The following GRID2 variants were observed in gnomAD, a reference collection of about 807,000 sequenced individuals.
The protein encoded by GRID2 is glutamate ionotropic receptor delta type subunit 2.
GRID2 carries 33 observed loss-of-function variants against 114.8 expected under a neutral mutation model. The ratio of observed to expected loss-of-function variants is 0.29; its 90% CI spans 0.22 to 0.38. GRID2 has a LOEUF of 0.38. GRID2 is among the 10% of genes least tolerant of loss of function. The pLI is 1.00. For synonymous variants in GRID2, 505 were observed against 449.9 expected (o/e 1.12, Z -1.55); for missense variants, 1,184 against 1,257.7 (o/e 0.94, Z 0.89).
At chr4:92,305,563 G>A (rs1000252306) in intron 1 of GRID2, among the ~76,000 whole-genome samples, 1 of 152,158 alleles carries the variant, frequency 6.6e-6, no homozygotes, top group Admixed American at 6.5e-5. Context: ...CCGAGTAGCC[G>A]CGCAAGGCAG....
rs546941745 is a variant in GRID2 at position 93,688,078 on chromosome 4, A to G, written c.2360+61643A>G. Among the ~76,000 whole-genome samples the G allele has an allele frequency of 2.0e-5, 3 of 152,120 alleles. No homozygotes were observed. In the East Asian group the frequency reaches 5.8e-4, roughly 29 times the overall value. ...ATGGCAGGAAGATAAAGTAGTTCACATCTGATAGTTTCTGTTTATCAGTGG... is the reference window on the plus strand; with the variant it reads ...ATGGCAGGAAGATAAAGTAGTTCACGTCTGATAGTTTCTGTTTATCAGTGG... On this transcript the variant is annotated intron_variant, in intron 14 of 15. Coordinates refer to ENST00000282020, the MANE Select transcript of GRID2 (RefSeq NM_001510.4).
chr4:93,133,303 G>T (rs776050279), intron 4 of GRID2, among the ~76,000 whole-genome samples: 9 of 152,084 alleles, frequency 5.9e-5, no homozygotes, highest in Admixed American at 3.3e-4. Context: ...TGATACATAG[G>T]TTTGGTTTTT....
chr4:92,430,017 T>C (rs906381210), intron 1 of GRID2, among the ~76,000 whole-genome samples: 1 of 152,204 alleles, frequency 6.6e-6, no homozygotes, highest in Non-Finnish European at 1.5e-5. Context: ...TCTTGTCAGA[T>C]TGATAGTTTG....
At chr4:92,710,473 C>T (rs918472553) in intron 2 of GRID2, among the ~76,000 whole-genome samples, 2 of 152,136 alleles carry the variant, frequency 1.3e-5, no homozygotes, top group African/African-American at 4.8e-5. Flanking sequence ...AATTTTTCTT[C>T]TATCAGATAA....
Position 93,549,050 on chromosome 4 carries a change from CTCTT to C in GRID2, c.2193+33641_2193+33644del, listed in dbSNP as rs568412099. Among the ~76,000 whole-genome samples the C allele has an allele frequency of 8.0e-4, 121 of 152,184 alleles. 1 individual carries two copies. The highest frequency in any genetic ancestry group is 2.2e-3 in the African/African-American group (92 of 41,532). On this transcript the variant is annotated intron_variant, in intron 13 of 15. Transcript: ENST00000282020. ...AAATTCATTTGAACTTTTAAAATAT[CTCTT>C]TATCAAATCAAAGATCAACTAAAAA...
chr4:93,694,472 G>C (rs17021013), intron 14 of GRID2, among the ~76,000 whole-genome samples: 2 of 152,094 alleles, frequency 1.3e-5, no homozygotes, highest in African/African-American at 4.8e-5. Context: ...TGGGTCTTGC[G>C]ATCCATGTAT....
At chr4:93,221,779 G>C (rs1744903631) in intron 6 of GRID2, among the ~76,000 whole-genome samples, 2 of 152,236 alleles carry the variant, frequency 1.3e-5, no homozygotes, top group South Asian at 2.1e-4. Flanking sequence ...GTAATGAAAA[G>C]CTCAGGGAAT....
At chr4:92,460,089 ACT>A (rs2149087049) in intron 1 of GRID2, among the ~76,000 whole-genome samples, 1 of 104,386 alleles carries the variant, frequency 9.6e-6, no homozygotes, top group African/African-American at 3.8e-5. Flanking sequence ...TCTCTGGAGA[ACT>A]CTGACTAATA....
chr4:93,578,454 C>A (rs1215585095), intron 13 of GRID2, among the ~76,000 whole-genome samples: 9 of 151,822 alleles, frequency 5.9e-5, no homozygotes, highest in Admixed American at 5.9e-4. Flanking sequence ...TACAAATTTA[C>A]AAATTCAAAA....
intron 1 of GRID2, among the ~76,000 whole-genome samples, chr4:92,324,109 A>G (rs1251099983): frequency 6.6e-6 from 1 of 152,020 alleles, no homozygotes; most frequent in Non-Finnish European, 1.5e-5. Context: ...AATATAATGT[A>G]AGAGGTAACT....
At chr4:92,800,111 A>G (rs1469251914) in intron 2 of GRID2, among the ~76,000 whole-genome samples, 1 of 151,820 alleles carries the variant, frequency 6.6e-6, no homozygotes, top group Admixed American at 6.6e-5. Context: ...TAATCTCATT[A>G]CCCCTTTTTA....
chr4:92,894,211 T>C (rs577758870), intron 2 of GRID2, among the ~76,000 whole-genome samples: 1 of 152,280 alleles, frequency 6.6e-6, no homozygotes, highest in African/African-American at 2.4e-5. Context: ...ACCCAAATAG[T>C]GTTCATATAA....
At chr4:92,310,635 A>T (rs1023020882) in intron 1 of GRID2, among the ~76,000 whole-genome samples, 2 of 152,024 alleles carry the variant, frequency 1.3e-5, no homozygotes, top group Non-Finnish European at 2.9e-5. Context: ...TAGAATTTAG[A>T]AGGTATTGGA....
chr4:93,766,232 A>G (rs1397404040), intron 14 of GRID2, among the ~76,000 whole-genome samples: 1 of 152,180 alleles, frequency 6.6e-6, no homozygotes, highest in Non-Finnish European at 1.5e-5. Flanking sequence ...ATGAAGAAAT[A>G]CCCAAGACTG....
intron 1 of GRID2, among the ~76,000 whole-genome samples, chr4:92,402,408 A>G (rs1246296098): frequency 6.6e-6 from 1 of 152,182 alleles, no homozygotes; most frequent in Non-Finnish European, 1.5e-5. Context: ...TATGGCAGGT[A>G]TCACCTTATG....
chr4:93,165,589 A>G (rs191953514), intron 4 of GRID2, among the ~76,000 whole-genome samples: 4 of 152,206 alleles, frequency 2.6e-5, no homozygotes, highest in East Asian at 3.9e-4. Context: ...CTTCCAAAAG[A>G]GCTTCCCTAA....
rs562681672 is a variant in GRID2, at chr4:93,170,145, G to A, written c.736-37259G>A. ...TCACCCAGACTGGAGTGCAGTGGGC[G>A]CGGTCTTGGCTCACTGCAATCACCA... On this transcript the variant is annotated intron_variant, in intron 4 of 15. Transcript: ENST00000282020. Among the ~76,000 whole-genome samples the A allele has an allele frequency of 4.6e-5, 7 of 152,164 alleles. No homozygotes were observed. In the East Asian group the frequency reaches 5.8e-4, roughly 13 times the overall value.
intron 13 of GRID2, among the ~76,000 whole-genome samples, chr4:93,543,996 A>C (rs772714819): frequency 6.6e-6 from 1 of 152,170 alleles, no homozygotes; most frequent in Non-Finnish European, 1.5e-5. Context: ...TGACTCCTGA[A>C]TATTTGGCTC....
chr4:92,935,983 TA>T (rs1263573394), intron 2 of GRID2, among the ~76,000 whole-genome samples: 1 of 146,184 alleles, frequency 6.8e-6, no homozygotes, highest in Non-Finnish European at 1.5e-5. Context: ...CGTGTATACA[TA>T]TGTAACTAAC....
Sources: allele counts gnomAD v4.1 joint callset (sites outside exome capture counted in the v4.1 genomes callset), GRCh38; gene constraint gnomAD v4.1.1; transcripts MANE v1.5; gene names NCBI Gene and HGNC (gene_info 2026-07-23, HGNC 2026-07-21).